The following PLCB1 variants were observed in gnomAD, a reference collection of about 807,000 sequenced individuals.
The protein encoded by PLCB1 is 1-phosphatidylinositol 4,5-bisphosphate phosphodiesterase beta-1.
In PLCB1, 46 loss-of-function variants were observed where a neutral mutation model predicts 161.8. The ratio of observed to expected loss-of-function variants is 0.28; its 90% CI spans 0.22 to 0.36. The LOEUF (loss-of-function observed/expected upper bound fraction) is 0.36. Ranked by LOEUF, PLCB1 falls within the 10% of genes least tolerant of loss-of-function variation. The pLI is 1.00. For synonymous variants in PLCB1, 517 were observed against 503.7 expected (o/e 1.03, Z -0.35); for missense variants, 1,016 against 1,472.5 (o/e 0.69, Z 5.07).
At chr20:8,808,832 G>A (rs1183482731) in intron 31 of PLCB1, among the ~76,000 whole-genome samples, 3 of 152,084 alleles carry the variant, frequency 2.0e-5, no homozygotes, top group African/African-American at 4.8e-5. Context: ...GCTCATAAGA[G>A]TCCATTTTAA....
intron 2 of PLCB1, among the ~76,000 whole-genome samples, chr20:8,154,561 C>T (rs1017070451): frequency 5.3e-5 from 8 of 152,126 alleles, no homozygotes; most frequent in African/African-American, 1.9e-4. Context: ...ATAACCCTAC[C>T]TGTCTTATAT....
chr20:8,671,395 T>C (rs1989940690), intron 9 of PLCB1, among the ~76,000 whole-genome samples: 1 of 152,224 alleles, frequency 6.6e-6, no homozygotes, highest in South Asian at 2.1e-4. Flanking sequence ...CTGTTATATT[T>C]CATTTTTCTT....
chr20:8,680,360 G>A (rs1990183611), intron 9 of PLCB1, among the ~76,000 whole-genome samples: 1 of 152,144 alleles, frequency 6.6e-6, no homozygotes. Context: ...AATTCATTAT[G>A]ACAAAACATC....
intron 3 of PLCB1, among the ~76,000 whole-genome samples, chr20:8,492,997 T>C (rs1162750141): frequency 6.6e-6 from 1 of 152,120 alleles, no homozygotes; most frequent in Admixed American, 6.5e-5. Context: ...TAAAATTCCC[T>C]TATATCACCT....
intron 3 of PLCB1, among the ~76,000 whole-genome samples, chr20:8,548,559 A>G (rs1046653464): frequency 1.9e-4 from 27 of 145,816 alleles, no homozygotes; most frequent in Middle Eastern, 3.5e-3. Flanking sequence ...TTCTTCTATT[A>G]TCTACTATCT....
chr20:8,276,977 C>G (rs2719780), intron 2 of PLCB1, among the ~76,000 whole-genome samples: 1 of 96,034 alleles, frequency 1.0e-5, no homozygotes, highest in Non-Finnish European at 2.2e-5. Flanking sequence ...TCTTCTTCTT[C>G]TTCTTCTTCT....
At chr20:8,399,619 A>G (rs1978457213) in intron 3 of PLCB1, among the ~76,000 whole-genome samples, 1 of 152,178 alleles carries the variant, frequency 6.6e-6, no homozygotes, top group African/African-American at 2.4e-5. Flanking sequence ...TACTCTCAAT[A>G]CTATTCTCTG....
intron 3 of PLCB1, among the ~76,000 whole-genome samples, chr20:8,394,592 T>C (rs1397563691): frequency 1.3e-5 from 2 of 152,156 alleles, no homozygotes; most frequent in Non-Finnish European, 2.9e-5. Context: ...TAAAATGAAG[T>C]TAATAGTACT....
At chr20:8,199,431 T>C (rs2423354) in intron 2 of PLCB1, among the ~76,000 whole-genome samples, 142,926 of 152,272 alleles carry the variant, frequency 0.94, 67,140 homozygotes, top group East Asian at 1. Flanking sequence ...ACTTCCACCA[T>C]GAATGTATGA....
intron 3 of PLCB1, among the ~76,000 whole-genome samples, chr20:8,545,890 T>C (rs1985520944): frequency 6.6e-6 from 1 of 152,196 alleles, no homozygotes; most frequent in Non-Finnish European, 1.5e-5. Flanking sequence ...ATACCAGTTT[T>C]ACATAGAGGG....
intron 3 of PLCB1, among the ~76,000 whole-genome samples, chr20:8,581,555 A>G (rs1331182539): frequency 6.6e-6 from 1 of 152,194 alleles, no homozygotes; most frequent in East Asian, 1.9e-4. Context: ...GGTTTGACAT[A>G]GGCAACAGTT....
At chr20:8,259,948 ACT>A (rs1981611690) in intron 2 of PLCB1, among the ~76,000 whole-genome samples, 1 of 151,802 alleles carries the variant, frequency 6.6e-6, no homozygotes, top group South Asian at 2.1e-4. Context: ...TAACTTTCAG[ACT>A]CTCTCTCCCT....
intron 31 of PLCB1, among the ~76,000 whole-genome samples, chr20:8,821,279 G>A (rs1363493679): frequency 2.0e-5 from 3 of 151,308 alleles, no homozygotes; most frequent in Non-Finnish European, 4.4e-5. Flanking sequence ...AGGAGTTCGA[G>A]ACCAGCCTGG....
intron 3 of PLCB1, among the ~76,000 whole-genome samples, chr20:8,533,576 T>G (rs1002349588): frequency 1.3e-5 from 2 of 151,924 alleles, no homozygotes; most frequent in African/African-American, 4.8e-5. Context: ...TGAGATGGTA[T>G]CTCATTGTGG....
chr20:8,672,985 G>A (rs188073076), intron 9 of PLCB1, among the ~76,000 whole-genome samples: 23 of 152,016 alleles, frequency 1.5e-4, no homozygotes, highest in Middle Eastern at 3.4e-3. Flanking sequence ...GGTGATGCGC[G>A]CCTGTAATCC....
intron 3 of PLCB1, among the ~76,000 whole-genome samples, chr20:8,528,364 A>G (rs1984664406): frequency 6.6e-6 from 1 of 152,110 alleles, no homozygotes; most frequent in African/African-American, 2.4e-5. Context: ...AAAACTCAGG[A>G]ATATAATAAC....
intron 3 of PLCB1, among the ~76,000 whole-genome samples, chr20:8,517,609 T>TA (rs2122871750): frequency 6.6e-6 from 1 of 152,290 alleles, no homozygotes; most frequent in South Asian, 2.1e-4. Context: ...GCAACCTTCA[T>TA]ATTGTAACCT....
At chr20:8,815,130 G>T (rs1274248509) in intron 31 of PLCB1, among the ~76,000 whole-genome samples, 2 of 151,714 alleles carry the variant, frequency 1.3e-5, no homozygotes, top group Admixed American at 6.5e-5. Context: ...TTCATTGTTT[G>T]TTCCAGTCTT....
intron 3 of PLCB1, among the ~76,000 whole-genome samples, chr20:8,429,112 C>G (rs1979921041): frequency 6.6e-6 from 1 of 152,158 alleles, no homozygotes; most frequent in East Asian, 1.9e-4. Context: ...GTATCTTACC[C>G]TCTTCTGCCC....
Sources: gnomAD v4.1 joint callset for allele counts (sites outside exome capture counted in the v4.1 genomes callset) on GRCh38, gnomAD v4.1.1 for gene constraint, MANE v1.5 for transcripts, NCBI Gene and HGNC (gene_info 2026-07-23, HGNC 2026-07-21) for gene names.